ITGB1BP1: variants seen among roughly 807,000 people sequenced by gnomAD.
The protein encoded by ITGB1BP1 is integrin subunit beta 1 binding protein 1, also known as integrin beta-1-binding protein 1.
In ITGB1BP1, 20 loss-of-function variants were observed where a neutral mutation model predicts 28.0. The observed-to-expected ratio is 0.71, with a 90% confidence interval of 0.50 to 1.04. The LOEUF is 1.04. ITGB1BP1 is among the 50% of genes least tolerant of loss of function. The pLI is 0.00. For missense variants in ITGB1BP1, 228 were observed against 242.5 expected (o/e 0.94, Z 0.40); for synonymous variants, 103 against 89.5 (o/e 1.15, Z -0.85).
At position 9,407,617 on chromosome 2, in the gene ITGB1BP1, A is replaced by G; in HGVS notation, c.382-19T>C. ...AAACATCCTGCAGAAGTCAGGAAAG[A>G]TTCCGAGAGATCAGGACTCTCAAAT... On this transcript the variant is annotated intron_variant, in intron 5 of 6. Transcript: ENST00000355346. The G allele has an allele frequency of 1.9e-6, 3 of 1,613,736 alleles. No homozygotes were observed. In the South Asian group the frequency reaches 3.3e-5, roughly 18 times the overall value.
rs368082222 is a variant in ITGB1BP1, at chr2:9,414,226, G to A, written c.103C>T (p.Arg35Ter). Residue 35 changes from arginine (R) to a stop codon, truncating the protein, a stop_gained, in exon 3 of 7, where the codon CGA (arginine) becomes TGA (stop). Transcript: ENST00000355346. LOFTEE classifies it high-confidence loss of function. ...TCGAGGCTGGCCACAGTGCTGGATC[G>A]TGAAAGACCCCCAAGGCTAGAATCC... ...SVDSSLGGLS[R>*]SSTVASLDTD... is the part of the protein sequence containing the mutation. 35 of 1,614,028 alleles carry A rather than the reference G, an allele frequency of 2.2e-5. No homozygotes were observed. The highest frequency in any genetic ancestry group is 3.3e-5 in the Admixed American group (2 of 60,012).
chr2:9,422,094 G>A (rs1679949230), intron 1 of ITGB1BP1, among the ~76,000 whole-genome samples: 1 of 152,124 alleles, frequency 6.6e-6, no homozygotes, highest in Admixed American at 6.5e-5. Flanking sequence ...TGAATTTAAG[G>A]AATTCACAAA....
chr2:9,416,933 C>A, intron 2 of ITGB1BP1, among the ~76,000 whole-genome samples: 1 of 152,104 alleles, frequency 6.6e-6, no homozygotes, highest in African/African-American at 2.4e-5. Flanking sequence ...ACTCCACAAG[C>A]CATCATCATC....
Position 9,415,917 on chromosome 2 carries a change from C to A in ITGB1BP1, c.73-1661G>T, listed in dbSNP as rs1217128743. Among the ~76,000 whole-genome samples, 1 of 152,152 alleles carries A rather than the reference C, an allele frequency of 6.6e-6. No homozygotes were observed. The highest frequency in any genetic ancestry group is 2.4e-5 in the African/African-American group (1 of 41,422). ...CGTGGCACATGTGGCACATGGGAGGCCCGGCAGGCACCCGGGATGAAAGGT... is the reference window on the plus strand; with the variant it reads ...CGTGGCACATGTGGCACATGGGAGGACCGGCAGGCACCCGGGATGAAAGGT... On this transcript the variant is annotated intron_variant, in intron 2 of 6. Coordinates refer to ENST00000355346, the MANE Select transcript of ITGB1BP1 (RefSeq NM_004763.5). This position sits in a 1 kb window ranked among gnomAD's most constrained non-coding sequence, Gnocchi z 4.1.
At chr2:9,418,793 T>G in intron 1 of ITGB1BP1, 61 bp from the exon 2 acceptor site, 1 of 1,194,954 alleles carries the variant, frequency 8.4e-7, no homozygotes, top group Non-Finnish European at 1.2e-6. Flanking sequence ...TTTTTTTTTT[T>G]TAAGAGACAG....
rs1677083052 is a variant in ITGB1BP1, at chr2:9,404,880, GTT to G, written c.*1952_*1953del. The G allele has an allele frequency of 8.6e-5, 13 of 151,822 alleles. No homozygotes were observed. In the South Asian group the frequency reaches 2.7e-3, roughly 32 times the overall value. The allele number at this position is 151,822 out of a possible 1,614,324, so 9.4% of individuals were successfully genotyped here. A position where few individuals can be genotyped will look rare whatever the true frequency, so the allele number is the denominator to read the frequency against. On this transcript the variant is annotated 3_prime_UTR_variant, in exon 7 of 7. Transcript: ENST00000355346. ...AAATGTGTTATATCTGTAGTTTTTT[GTT>G]TTTGTTTTTTTTTAAAGCACTACAT...
intron 1 of ITGB1BP1, among the ~76,000 whole-genome samples, chr2:9,420,938 G>A (rs1028422641): frequency 1.3e-5 from 2 of 152,172 alleles, no homozygotes; most frequent in African/African-American, 4.8e-5. Flanking sequence ...AAGACTGCGG[G>A]TGATTGCTGC....
At chr2:9,411,419 C>G (rs1334627875) in intron 4 of ITGB1BP1, among the ~76,000 whole-genome samples, 1 of 152,086 alleles carries the variant, frequency 6.6e-6, no homozygotes, top group South Asian at 2.1e-4. Context: ...GATTGATCAG[C>G]CCCATAAAAA....
rs1470646011 is a variant in ITGB1BP1, at chr2:9,404,534, G to A, written c.*2300C>T. The stretch of plus-strand genomic sequence containing the variant: ...ATACCTCTATTTAGTAATTGCGAGG[G>A]TAAGATTCATAGTAGGAATATTGGA... On this transcript the variant is annotated 3_prime_UTR_variant, in exon 7 of 7. Transcript: ENST00000355346. 2.0e-5 allele frequency: 3 copies of A among 152,306 alleles called. No homozygotes were observed. Among genetic ancestry groups the A allele is most frequent in the Non-Finnish European group, 4.4e-5 (3 of 68,036 alleles). The allele number at this position is 152,306 out of a possible 1,614,324, so 9.4% of individuals were successfully genotyped here. A position where few individuals can be genotyped will look rare whatever the true frequency, so the allele number is the denominator to read the frequency against.
At position 9,406,059 on chromosome 2, in the gene ITGB1BP1, T is replaced by TAGG. The variant is rs1558414697; in HGVS notation, c.*774_*775insCCT. ...TCACTGAGTGGACCTCTGTGACATC[T>TAGG]CGTCTTCCTCAGGCCTTCAGTGTGT... is the stretch of plus-strand genomic sequence containing the variant. On this transcript the variant is annotated 3_prime_UTR_variant, in exon 7 of 7. Coordinates refer to ENST00000355346, the MANE Select transcript of ITGB1BP1 (RefSeq NM_004763.5). The TAGG allele has an allele frequency of 4.8e-5, 6 of 124,482 alleles. No homozygotes were observed. Among genetic ancestry groups the TAGG allele is most frequent in the East Asian group, 2.4e-4 (1 of 4,180 alleles). The allele number at this position is 124,482 out of a possible 1,614,324, so 7.7% of individuals were successfully genotyped here.
In ITGB1BP1 at chr2:9,405,541, T is replaced by TG. The variant is rs755942484; in HGVS notation, c.*1292dup. 6.6e-6 allele frequency: 1 copy of TG among 152,662 alleles called. No homozygotes were observed. Among genetic ancestry groups the TG allele is most frequent in the Non-Finnish European group, 1.5e-5 (1 of 68,044 alleles). 9.5% of individuals were successfully genotyped at this position (152,662 alleles called of 1,614,324 possible). On this transcript the variant is annotated 3_prime_UTR_variant, in exon 7 of 7. Coordinates refer to ENST00000355346, the MANE Select transcript of ITGB1BP1 (RefSeq NM_004763.5). ...CTGATTACTTTGGTTGCAGCACAAC[T>TG]GTATATATTGTATAACCGAAATTGA...
At chr2:9,408,312 A>G in intron 4 of ITGB1BP1, 107 bp from the exon 5 acceptor site, 2 of 704,486 alleles carry the variant, frequency 2.8e-6, no homozygotes, top group Non-Finnish European at 5.1e-6. Context: ...AACCCTTTAA[A>G]GAATGTGGGG....
At chr2:9,417,217 C>T (rs1409110030) in intron 2 of ITGB1BP1, among the ~76,000 whole-genome samples, 1 of 152,008 alleles carries the variant, frequency 6.6e-6, no homozygotes, top group Non-Finnish European at 1.5e-5. Flanking sequence ...ACCTGCCTCG[C>T]CCAGGCCACG....
chr2:9,421,980 C>A (rs574220806), intron 1 of ITGB1BP1, among the ~76,000 whole-genome samples: 2 of 152,270 alleles, frequency 1.3e-5, no homozygotes, highest in East Asian at 1.9e-4. Context: ...TCCACCAGGG[C>A]CCCCGTCATC....
intron 2 of ITGB1BP1, among the ~76,000 whole-genome samples, chr2:9,417,655 G>A (rs921040032): frequency 6.6e-6 from 1 of 152,112 alleles, no homozygotes; most frequent in African/African-American, 2.4e-5. Flanking sequence ...CTGACCTCAG[G>A]TGATCTGCCT....
At chr2:9,417,215 C>T (rs976062471) in intron 2 of ITGB1BP1, among the ~76,000 whole-genome samples, 1 of 152,060 alleles carries the variant, frequency 6.6e-6, no homozygotes, top group African/African-American at 2.4e-5. Flanking sequence ...GCACCTGCCT[C>T]GCCCAGGCCA....
At position 9,404,851 on chromosome 2, in the gene ITGB1BP1, GT is replaced by G; in HGVS notation, c.*1982del. On this transcript the variant is annotated 3_prime_UTR_variant, in exon 7 of 7. Transcript: ENST00000355346. The stretch of plus-strand genomic sequence containing the variant: ...CGCTTTTTACCTTTCAAAGTTCCGG[GT>G]AAAAATGTGTTATATCTGTAGTTTT... The G allele has an allele frequency of 6.6e-6, 1 of 152,274 alleles. No individual in the cohort carries two copies. The allele number at this position is 152,274 out of a possible 1,614,324, so 9.4% of individuals were successfully genotyped here.
rs774946886 is a variant in ITGB1BP1 at position 9,406,786 on chromosome 2, A to C, written c.*48T>G. ...ATAACATTTCAGCATTGCAGTTTGA[A>C]AACAGCTGAACTTTCAGATGAAGTT... is the stretch of plus-strand genomic sequence containing the variant. On this transcript the variant is annotated 3_prime_UTR_variant, in exon 7 of 7. Transcript: ENST00000355346. The C allele has an allele frequency of 2.5e-5, 33 of 1,298,520 alleles. No individual in the cohort carries two copies. The highest frequency in any genetic ancestry group is 5.0e-5 in the Admixed American group (3 of 59,536). 80.4% of individuals were successfully genotyped at this position (1,298,520 alleles called of 1,614,324 possible).
At chr2:9,409,989 C>A (rs1011900375) in intron 4 of ITGB1BP1, among the ~76,000 whole-genome samples, 1 of 151,886 alleles carries the variant, frequency 6.6e-6, no homozygotes, top group African/African-American at 2.4e-5. Context: ...GGATTACAGG[C>A]ATGCGCCACC....
Sources: allele counts gnomAD v4.1 joint callset (sites outside exome capture counted in the v4.1 genomes callset), GRCh38; gene constraint gnomAD v4.1.1; non-coding constraint Gnocchi (gnomAD v3.1); transcripts MANE v1.5; gene names NCBI Gene and HGNC (gene_info 2026-07-23, HGNC 2026-07-21).